The following HIVEP3 variants were observed in gnomAD, a reference collection of about 807,000 sequenced individuals.
HIVEP3 encodes HIVEP zinc finger 3.
In HIVEP3, 49 loss-of-function variants were observed where a neutral mutation model predicts 152.8. That is an observed-to-expected ratio of 0.32 (90% CI 0.26 to 0.41). HIVEP3 has a LOEUF of 0.41. HIVEP3 is among the 10% of genes least tolerant of loss of function. HIVEP3 has a pLI of 1.00. For missense variants in HIVEP3, 2,790 were observed against 3,103.3 expected, an observed-to-expected ratio of 0.90 and a Z score of 2.40; for synonymous variants, 1,269 against 1,289.0, an observed-to-expected ratio of 0.98 and a Z score of 0.33.
chr1:41,761,083 CA>C (rs1214080760), intron 1 of HIVEP3, among the ~76,000 whole-genome samples: 3 of 152,224 alleles, frequency 2.0e-5, no homozygotes, highest in African/African-American at 7.2e-5. Context: ...GACTACAGGG[CA>C]GAGAGATTAC....
intron 1 of HIVEP3, among the ~76,000 whole-genome samples, chr1:41,972,708 G>A (rs1263308250): frequency 6.6e-6 from 1 of 152,224 alleles, no homozygotes; most frequent in African/African-American, 2.4e-5. Context: ...GAAAATGGGT[G>A]TGAAGTAAGC....
intron 1 of HIVEP3, among the ~76,000 whole-genome samples, chr1:41,751,010 C>T (rs1220363492): frequency 3.3e-5 from 5 of 151,928 alleles, no homozygotes; most frequent in Admixed American, 3.3e-4. Context: ...CACCGCACCG[C>T]ACCCGGCCCC....
intron 3 of HIVEP3, among the ~76,000 whole-genome samples, chr1:41,589,091 G>A (rs529691768): frequency 6.6e-6 from 1 of 152,348 alleles, no homozygotes; most frequent in African/African-American, 2.4e-5. Context: ...CTGAGGGTAT[G>A]TGTGAAATTT....
chr1:41,552,874 G>T (rs1197039398), intron 5 of HIVEP3, among the ~76,000 whole-genome samples: 1 of 152,132 alleles, frequency 6.6e-6, no homozygotes, highest in African/African-American at 2.4e-5. Flanking sequence ...AGTTTGTTGT[G>T]ATTTCTGTTC....
At chr1:41,614,918 G>A (rs1486389794) in intron 3 of HIVEP3, among the ~76,000 whole-genome samples, 1 of 152,180 alleles carries the variant, frequency 6.6e-6, no homozygotes, top group Non-Finnish European at 1.5e-5. Flanking sequence ...TAAGTAGGGA[G>A]CCCTCCATGA....
At chr1:41,626,018 A>T (rs1403353325) in intron 3 of HIVEP3, among the ~76,000 whole-genome samples, 1 of 152,258 alleles carries the variant, frequency 6.6e-6, no homozygotes, top group African/African-American at 2.4e-5. Flanking sequence ...TCCATTTTCA[A>T]ATGAGATCTG....
In HIVEP3 at chr1:41,985,054, T is replaced by C. The variant is rs1645314413; in HGVS notation, n.119+50753A>G. Among the ~76,000 whole-genome samples, 3 of 151,494 alleles carry C rather than the reference T, an allele frequency of 2.0e-5. No homozygotes were observed. The South Asian group carries it at 6.3e-4, about 32-fold the overall frequency. On this transcript the variant is annotated intron_variant and non_coding_transcript_variant, in intron 1 of 3. Transcript: ENST00000489103. Reference sequence around the variant, plus strand: ...GGGGATGACTGATTGATTGACTGGTTGGTTGATTGATTGATTTTTCCAAGG... The same window carrying C: ...GGGGATGACTGATTGATTGACTGGTCGGTTGATTGATTGATTTTTCCAAGG...
intron 1 of HIVEP3, among the ~76,000 whole-genome samples, chr1:41,903,492 GC>G (rs1305425709): frequency 1.3e-5 from 2 of 152,238 alleles, no homozygotes; most frequent in Non-Finnish European, 2.9e-5. Context: ...TTGTTATTCT[GC>G]AATTATTACT....
chr1:41,875,296 G>A (rs527431880), intron 1 of HIVEP3, among the ~76,000 whole-genome samples: 3 of 152,312 alleles, frequency 2.0e-5, no homozygotes, highest in East Asian at 3.9e-4. Context: ...CGCTTGGAGA[G>A]TGCTGTTTGC....
At chr1:41,570,062 G>C (rs1199084397) in intron 5 of HIVEP3, among the ~76,000 whole-genome samples, 1 of 152,174 alleles carries the variant, frequency 6.6e-6, no homozygotes, top group Non-Finnish European at 1.5e-5. Context: ...GAGTTCAGAG[G>C]AGAAGTCCTT....
intron 3 of HIVEP3, among the ~76,000 whole-genome samples, chr1:41,596,175 G>A (rs1644663112): frequency 6.6e-6 from 1 of 152,146 alleles, no homozygotes; most frequent in Non-Finnish European, 1.5e-5. Flanking sequence ...CCCAAACTGT[G>A]AAGCCTCATT....
At chr1:41,545,036 CAATACCACT>C (rs1558047529) in intron 5 of HIVEP3, among the ~76,000 whole-genome samples, 3 of 75,154 alleles carry the variant, frequency 4.0e-5, no homozygotes, top group African/African-American at 9.1e-5. Flanking sequence ...CCACCACCAC[CAATACCACT>C]ACCACCACCA....
intron 2 of HIVEP3, among the ~76,000 whole-genome samples, chr1:41,694,768 C>A (rs936931398): frequency 6.6e-6 from 1 of 152,176 alleles, no homozygotes; most frequent in Non-Finnish European, 1.5e-5. Flanking sequence ...ATGTGCCTGT[C>A]GCTGAGCTAG....
At chr1:41,902,229 GC>G (rs1392217112) in intron 1 of HIVEP3, among the ~76,000 whole-genome samples, 7 of 152,146 alleles carry the variant, frequency 4.6e-5, no homozygotes, top group Non-Finnish European at 1.5e-5. Flanking sequence ...AAGACATCCG[GC>G]CCACATTGCT....
Position 41,757,091 on chromosome 1 carries a change from AATTATTATTATT to A in HIVEP3, c.-800-56108_-800-56097del, listed in dbSNP as rs147789740. 2.5e-4 allele frequency among the ~76,000 whole-genome samples: 34 copies of A among 136,540 alleles called. 1 individual carries two copies. Among genetic ancestry groups the A allele is most frequent in the South Asian group, 2.4e-4 (1 of 4,186 alleles). 89.6% of individuals were successfully genotyped at this position (136,540 alleles called of 152,430 possible). On this transcript the variant is annotated intron_variant, in intron 1 of 8. Coordinates refer to ENST00000372583, the MANE Select transcript of HIVEP3 (RefSeq NM_024503.5). ...ACATAGCAAGACCTTGTCTCTAAAA[AATTATTATTATT>A]ATTATTATTATTATTATTATTATTA...
At chr1:41,528,455 A>G (rs1304659668) in intron 5 of HIVEP3, among the ~76,000 whole-genome samples, 1 of 39,836 alleles carries the variant, frequency 2.5e-5, no homozygotes, top group Non-Finnish European at 5.0e-5. Context: ...ACCCTCACAC[A>G]CACCCCACCC....
chr1:41,620,358 G>A (rs1645029366), intron 3 of HIVEP3, among the ~76,000 whole-genome samples: 1 of 152,168 alleles, frequency 6.6e-6, no homozygotes, highest in Non-Finnish European at 1.5e-5. Flanking sequence ...TAGGATAGCT[G>A]GCTTTATTCT....
intron 2 of HIVEP3, among the ~76,000 whole-genome samples, chr1:41,683,121 C>T (rs1277322322): frequency 6.6e-6 from 1 of 152,212 alleles, no homozygotes; most frequent in Non-Finnish European, 1.5e-5. Flanking sequence ...GGGATCTGCC[C>T]AAGCCAAGTG....
intron 1 of HIVEP3, among the ~76,000 whole-genome samples, chr1:41,943,703 C>G (rs190112911): frequency 7.9e-5 from 12 of 152,234 alleles, no homozygotes; most frequent in African/African-American, 2.4e-4. Context: ...AGAGTTATTA[C>G]CAGAACATAA....
Sources: allele counts gnomAD v4.1 joint callset (sites outside exome capture counted in the v4.1 genomes callset), GRCh38; gene constraint gnomAD v4.1.1; transcripts MANE v1.5; gene names NCBI Gene and HGNC (gene_info 2026-07-23, HGNC 2026-07-21).